Variants in PDE3A observed in about 807,000 individuals in gnomAD.
PDE3A encodes the protein phosphodiesterase 3A, also known as cGMP-inhibited 3',5'-cyclic phosphodiesterase 3A.
In PDE3A, 43 loss-of-function variants were observed where a neutral mutation model predicts 98.3. The ratio of observed to expected loss-of-function variants is 0.44; its 90% confidence interval spans 0.34 to 0.56. The LOEUF is 0.56. PDE3A is among the 20% of genes least tolerant of loss of function. The probability of loss-of-function intolerance (pLI) is 0.01; values close to 1 mark genes in which losing one functional copy is unlikely to be tolerated. For missense variants in PDE3A, 1,427 were observed against 1,440.7 expected, an observed-to-expected ratio of 0.99 and a Z score of 0.15; for synonymous variants, 663 against 567.9, an observed-to-expected ratio of 1.17 and a Z score of -2.38.
chr12:20,579,405 T>C (rs944505187), intron 2 of PDE3A, among the ~76,000 whole-genome samples: 1 of 152,172 alleles, frequency 6.6e-6, no homozygotes, highest in Non-Finnish European at 1.5e-5. Flanking sequence ...TCCCTTTTTT[T>C]TTTATCCTTG....
chr12:20,652,641 T>G (rs1460159695), intron 14 of PDE3A, among the ~76,000 whole-genome samples: 1 of 152,170 alleles, frequency 6.6e-6, no homozygotes, highest in Admixed American at 6.5e-5. Context: ...GTAAATTTGT[T>G]TGAGTTCATT....
At position 20,685,135 on chromosome 12, in the gene PDE3A, G is replaced by A. The variant is rs560597650; in HGVS notation, c.*4864G>A. Among the ~76,000 whole-genome samples, 5 of 152,146 alleles carry A rather than the reference G, an allele frequency of 3.3e-5. No homozygotes were observed. Among genetic ancestry groups the A allele is most frequent in the East Asian group, 3.9e-4 (2 of 5,172 alleles). ...GAAGTAAAATGAACATTTTTGGGCC[G>A]GGCGCAGTGGCTCACGCCTGTAATC... On this transcript the variant is annotated 3_prime_UTR_variant, in exon 16 of 16. Transcript: ENST00000359062.
At chr12:20,601,507 T>G (rs1017266840) in intron 2 of PDE3A, among the ~76,000 whole-genome samples, 6 of 152,164 alleles carry the variant, frequency 3.9e-5, no homozygotes, top group Non-Finnish European at 7.3e-5. Context: ...TCAAAGGCAT[T>G]TGATGTTTTG....
intron 15 of PDE3A, among the ~76,000 whole-genome samples, chr12:20,662,665 G>T (rs990904013): frequency 2.0e-5 from 3 of 152,080 alleles, no homozygotes; most frequent in African/African-American, 7.2e-5. Context: ...AGGTGACTTT[G>T]GTGCTATTAA....
intron 1 of PDE3A, among the ~76,000 whole-genome samples, chr12:20,397,283 C>G (rs1280919857): frequency 2.8e-4 from 42 of 151,858 alleles, no homozygotes; most frequent in Admixed American, 2.8e-3. Flanking sequence ...TCTATATATT[C>G]TAGTAAATCA....
At chr12:20,422,172 C>T (rs1431966486) in intron 1 of PDE3A, among the ~76,000 whole-genome samples, 2 of 152,022 alleles carry the variant, frequency 1.3e-5, no homozygotes, top group East Asian at 1.9e-4. Context: ...CGGTGAAACT[C>T]CATCTCTACT....
chr12:20,517,042 A>G (rs1565574820), intron 1 of PDE3A, among the ~76,000 whole-genome samples: 3 of 152,220 alleles, frequency 2.0e-5, no homozygotes, highest in Admixed American at 1.3e-4. Context: ...ACAGGCATTT[A>G]CTGAATGGCA....
At chr12:20,655,688 C>T (rs1945026336) in intron 15 of PDE3A, among the ~76,000 whole-genome samples, 1 of 152,148 alleles carries the variant, frequency 6.6e-6, no homozygotes, top group Non-Finnish European at 1.5e-5. Context: ...AGTGTTGTGG[C>T]TTTTACTCTG....
intron 2 of PDE3A, among the ~76,000 whole-genome samples, chr12:20,595,632 G>A (rs1276700918): frequency 6.6e-6 from 1 of 152,154 alleles, no homozygotes; most frequent in East Asian, 1.9e-4. Context: ...TGATGATAGA[G>A]ATAATATAGC....
chr12:20,567,816 C>A (rs1565591451), intron 2 of PDE3A, among the ~76,000 whole-genome samples: 1 of 151,840 alleles, frequency 6.6e-6, no homozygotes, highest in Non-Finnish European at 1.5e-5. Context: ...ACAAACTGAA[C>A]TTGGCATTAC....
At chr12:20,390,188 G>A (rs192719624) in intron 1 of PDE3A, among the ~76,000 whole-genome samples, 1 of 151,990 alleles carries the variant, frequency 6.6e-6, no homozygotes, top group East Asian at 1.9e-4. Flanking sequence ...AAGATAAGGG[G>A]GATGTGGGGC....
At chr12:20,666,125 C>A (rs537013180) in intron 15 of PDE3A, among the ~76,000 whole-genome samples, 3 of 151,650 alleles carry the variant, frequency 2.0e-5, no homozygotes, top group African/African-American at 4.8e-5. Flanking sequence ...CCACCATGCC[C>A]GGCTAATTTT....
At chr12:20,650,757 T>C (rs1944897704) in intron 14 of PDE3A, among the ~76,000 whole-genome samples, 157 bp downstream of exon 14, 1 of 152,162 alleles carries the variant, frequency 6.6e-6, no homozygotes, top group Non-Finnish European at 1.5e-5. Context: ...AGACAAAAAG[T>C]GACGTATAAA....
At chr12:20,371,447 T>C (rs1376791949) in intron 1 of PDE3A, 1 of 982,702 alleles carries the variant, frequency 1.0e-6, no homozygotes, top group Non-Finnish European at 1.2e-6. Context: ...AGGACAACTT[T>C]AGGGAGCAAG....
At chr12:20,377,655 CATT>C (rs1468199983) in intron 1 of PDE3A, among the ~76,000 whole-genome samples, 1 of 151,776 alleles carries the variant, frequency 6.6e-6, no homozygotes, top group African/African-American at 2.4e-5. Context: ...CTTGATAGCT[CATT>C]TTTGTACCAC....
At chr12:20,572,467 C>T (rs1335065770) in intron 2 of PDE3A, among the ~76,000 whole-genome samples, 1 of 151,936 alleles carries the variant, frequency 6.6e-6, no homozygotes, top group Non-Finnish European at 1.5e-5. Context: ...CACTAAACTC[C>T]CAAATGAAAA....
At chr12:20,391,439 C>T (rs1471037502) in intron 1 of PDE3A, among the ~76,000 whole-genome samples, 2 of 148,704 alleles carry the variant, frequency 1.3e-5, no homozygotes, top group East Asian at 2.0e-4. Context: ...CAATTCCGGA[C>T]CGTTGACTCT....
At chr12:20,648,925 TTC>T (rs2121516940) in intron 13 of PDE3A, 34 bp downstream of exon 13, 24 of 1,194,854 alleles carry the variant, frequency 2.0e-5, no homozygotes, top group Admixed American at 2.5e-5. Flanking sequence ...TCTTTTCTTT[TTC>T]TTTTTTTTTT....
At chr12:20,660,386 A>C (rs1945138169) in intron 15 of PDE3A, among the ~76,000 whole-genome samples, 1 of 152,210 alleles carries the variant, frequency 6.6e-6, no homozygotes, top group Non-Finnish European at 1.5e-5. Flanking sequence ...AAAGATACCC[A>C]AAATTGTGGA....
Sources: allele counts gnomAD v4.1 joint callset (sites outside exome capture counted in the v4.1 genomes callset), GRCh38; gene constraint gnomAD v4.1.1; transcripts MANE v1.5; gene names NCBI Gene and HGNC (gene_info 2026-07-23, HGNC 2026-07-21).